Variants in MAP7D1 observed in about 807,000 individuals in gnomAD.
MAP7D1 encodes MAP7 domain-containing protein 1.
Under a neutral mutation model 97.5 loss-of-function variants are expected in MAP7D1, and 30 were observed. The ratio of observed to expected loss-of-function variants is 0.31; its 90% CI spans 0.23 to 0.42. The LOEUF is 0.42. Ranked by LOEUF, MAP7D1 falls within the 10% of genes least tolerant of loss-of-function variation. The pLI is 1.00. For missense variants in MAP7D1, 1,184 were observed against 1,179.5 expected (o/e 1.00, Z -0.06); for synonymous variants, 536 against 477.1 (o/e 1.12, Z -1.61).
At position 36,171,708 on chromosome 1, in the gene MAP7D1, G is replaced by A. The variant is rs191766793; in HGVS notation, c.460+127G>A. 7.1e-3 allele frequency: 6,278 copies of A among 890,286 alleles called. 37 individuals are homozygous for A. Among genetic ancestry groups the A allele is most frequent in the Non-Finnish European group, 9.1e-3 (5,181 of 568,386 alleles). The allele number at this position is 890,286 out of a possible 1,614,324, so 55.1% of individuals were successfully genotyped here. A position where few individuals can be genotyped will look rare whatever the true frequency, so the allele number is the denominator to read the frequency against. On this transcript the variant is annotated intron_variant, in intron 3 of 16. Transcript: ENST00000474796. ...AGCACTTTGGGAGGCCGAGGCGGGC[G>A]AATCACCTGAGGTCAGGAGTTTGAG...
At chr1:36,161,652 G>T (rs1644410398) in intron 1 of MAP7D1, among the ~76,000 whole-genome samples, 2 of 152,184 alleles carry the variant, frequency 1.3e-5, no homozygotes, top group South Asian at 4.1e-4. Flanking sequence ...CTTTCTCTGG[G>T]CCTAGGGAAA....
Position 36,175,001 on chromosome 1 carries a change from C to G in MAP7D1, c.843C>G (p.Pro281=), listed in dbSNP as rs867889949. The change falls in exon 6 of 17, where the codon CCC becomes CCG. Residue 281 remains proline (P), a synonymous_variant. Coordinates refer to ENST00000474796, the MANE Select transcript of MAP7D1 (RefSeq NM_001388490.1). The part of the protein sequence containing the change: ...SKSSATLWNS[P]SRNRSLQLSA... Reference sequence around the variant, plus strand: ...CCTCTGCCACGCTCTGGAACTCCCCCAGTAGAAGTAAGAGAAGGCCCAGCC... The same window carrying G: ...CCTCTGCCACGCTCTGGAACTCCCCGAGTAGAAGTAAGAGAAGGCCCAGCC... 1 of 1,611,174 alleles carries G rather than the reference C, an allele frequency of 6.2e-7. No individual in the cohort carries two copies. The highest frequency in any genetic ancestry group is 8.5e-7 in the Non-Finnish European group (1 of 1,177,520).
At chr1:36,171,456 C>T in intron 2 of MAP7D1, 57 bp from the exon 3 acceptor site, 1 of 1,598,962 alleles carries the variant, frequency 6.3e-7, no homozygotes, top group Non-Finnish European at 8.6e-7. Flanking sequence ...GGATCTGAGG[C>T]TGACTCCTCT....
At position 36,179,925 on chromosome 1, in the gene MAP7D1, C is replaced by G. The variant is rs140639297; in HGVS notation, c.2370C>G (p.Leu790=). 845 of 1,614,120 alleles carry G rather than the reference C, an allele frequency of 5.2e-4. 4 individuals carry two copies. The African/African-American group carries it at 9.0e-3, about 17-fold the overall frequency. ...CCCTGGTGAATGGCCTGCAGCCTCT[C>G]CCAGCACACCAGGAGAATGGCTTCT... is the stretch of plus-strand genomic sequence containing the variant. The part of the protein sequence containing the change: ...PASLVNGLQP[L]PAHQENGFST... Residue 790 remains leucine (L), a synonymous_variant, in exon 16 of 17, where the codon CTC becomes CTG. Coordinates refer to ENST00000474796, the MANE Select transcript of MAP7D1 (RefSeq NM_001388490.1).
At chr1:36,173,561 G>A in intron 5 of MAP7D1, 83 bp downstream of exon 5, 4 of 1,048,532 alleles carry the variant, frequency 3.8e-6, no homozygotes, top group Non-Finnish European at 4.2e-6. Flanking sequence ...CCTACAAAAA[G>A]CTGGTGGCTC....
rs149009853 is a variant in MAP7D1, at chr1:36,177,996, T to A, written c.1503T>A (p.Thr501=). 24 of 1,612,426 alleles carry A rather than the reference T, an allele frequency of 1.5e-5. No homozygotes were observed. In the African/African-American group the frequency reaches 1.6e-4, roughly 11 times the overall value. The part of the protein sequence containing the change: ...PPKPPSPRGT[T]ASPKGRVRRK... ...AGCCACCGTCCCCCCGAGGCACCACTGCATCCCCCAAGGGGCGGGTTCGGA... is the reference window on the plus strand; with the variant it reads ...AGCCACCGTCCCCCCGAGGCACCACAGCATCCCCCAAGGGGCGGGTTCGGA... Residue 501 remains threonine (T), a synonymous_variant, in exon 9 of 17, where the codon ACT becomes ACA. Coordinates refer to ENST00000474796, the MANE Select transcript of MAP7D1 (RefSeq NM_001388490.1).
chr1:36,163,336 A>G (rs1644436189), intron 1 of MAP7D1, among the ~76,000 whole-genome samples: 1 of 152,224 alleles, frequency 6.6e-6, no homozygotes, highest in Non-Finnish European at 1.5e-5. Context: ...CTTCTGGTAG[A>G]TATTAGTGTA....
chr1:36,179,466 C>G (rs543905816), intron 13 of MAP7D1, 49 bp from the exon 14 acceptor site: 1 of 1,576,006 alleles, frequency 6.3e-7, no homozygotes, highest in Non-Finnish European at 8.6e-7. Context: ...TCCGAAGTGG[C>G]TGGGGCCGGC....
rs1211985434 is a variant in MAP7D1 at position 36,176,191 on chromosome 1, AC to A, written c.851-3del. 5 of 1,604,398 alleles carry A rather than the reference AC, an allele frequency of 3.1e-6. No homozygotes were observed. The South Asian group carries it at 4.4e-5, about 14-fold the overall frequency. ...GGTGACCGGCTTCGCCTGGCCTTCT[AC>A]CCCCAGATCGCAGCCTGCAGCTGAG... On this transcript the variant is annotated splice_polypyrimidine_tract_variant and splice_region_variant and intron_variant, in intron 6 of 16. Coordinates refer to ENST00000474796, the MANE Select transcript of MAP7D1 (RefSeq NM_001388490.1). The surrounding 1 kb of genome is among the most constrained non-coding windows in gnomAD (Gnocchi z 6.1).
chr1:36,159,215 G>A lies in MAP7D1; in HGVS notation c.46+2752G>A, dbSNP rs1443119508. ...TGGGATTACAGGCGCCTGCCACCGC[G>A]CCCGGCTAATTTTTGTATTTTTAGT... On this transcript the variant is annotated intron_variant, in intron 1 of 16. Transcript: ENST00000474796. This position sits in a 1 kb window ranked among gnomAD's most constrained non-coding sequence, Gnocchi z 5.4. Among the ~76,000 whole-genome samples the A allele has an allele frequency of 6.6e-6, 1 of 151,874 alleles. No individual in the cohort carries two copies. Among genetic ancestry groups the A allele is most frequent in the African/African-American group, 2.4e-5 (1 of 41,340 alleles).
intron 1 of MAP7D1, among the ~76,000 whole-genome samples, chr1:36,164,745 A>G (rs1271108897): frequency 6.6e-6 from 1 of 152,210 alleles, no homozygotes; most frequent in Non-Finnish European, 1.5e-5. Context: ...TCAAGTGGCA[A>G]AGAGCACCGT....
At chr1:36,163,898 G>A (rs1644444311) in intron 1 of MAP7D1, among the ~76,000 whole-genome samples, 2 of 134,092 alleles carry the variant, frequency 1.5e-5, no homozygotes, top group African/African-American at 5.8e-5. Context: ...TGCAGTCTCA[G>A]ATCACTGCAG....
At position 36,179,687 on chromosome 1, in the gene MAP7D1, C is replaced by A. The variant is rs867146894; in HGVS notation, c.2249C>A (p.Ala750Asp). Residue 750 changes from alanine to aspartate, a missense_variant, in exon 15 of 17, where the codon GCT (alanine) becomes GAT (aspartate). Transcript: ENST00000474796. ...ACAGAGCCTGTGAAAGCTGTGGAGG[C>A]TCGGTCCCCAGGGCTGCAGAAGGAG... ...SSPEPVKAVE[A>D]RSPGLQKEAV... is the part of the protein sequence containing the mutation. 1 of 1,524,802 alleles carries A rather than the reference C, an allele frequency of 6.6e-7. No individual in the cohort carries two copies. 94.5% of individuals were successfully genotyped at this position (1,524,802 alleles called of 1,614,324 possible). A position where few individuals can be genotyped will look rare whatever the true frequency, so the allele number is the denominator to read the frequency against.
chr1:36,173,419 G>C lies in MAP7D1; in HGVS notation c.680G>C (p.Arg227Pro). 1 of 1,614,082 alleles carries C rather than the reference G, an allele frequency of 6.2e-7. No individual in the cohort carries two copies. Among genetic ancestry groups the C allele is most frequent in the Non-Finnish European group, 8.5e-7 (1 of 1,179,994 alleles). The change falls in exon 5 of 17, where the codon CGG becomes CCG. Residue 227 changes from arginine (R) to proline (P), a missense_variant. Physicochemically the swap from Arg to Pro is moderately radical, Grantham distance 103. Coordinates refer to ENST00000474796, the MANE Select transcript of MAP7D1 (RefSeq NM_001388490.1). ...GTGAAGAAGACGTGGGCCGAAATCCGGCAGCAGCGCTGGTCCTGGGCAGGG... is the reference window on the plus strand; with the variant it reads ...GTGAAGAAGACGTGGGCCGAAATCCCGCAGCAGCGCTGGTCCTGGGCAGGG... The part of the protein sequence containing the change: ...RSVKKTWAEI[R>P]QQRWSWAGAL...
rs1372573453 is a variant in MAP7D1, at chr1:36,176,608, C to T, written c.1233+27C>T. 6.5e-7 allele frequency: 1 copy of T among 1,540,266 alleles called. No individual in the cohort carries two copies. The highest frequency in any genetic ancestry group is 8.8e-7 in the Non-Finnish European group (1 of 1,141,926). On this transcript the variant is annotated intron_variant, in intron 7 of 16. Coordinates refer to ENST00000474796, the MANE Select transcript of MAP7D1 (RefSeq NM_001388490.1). This position sits in a 1 kb window ranked among gnomAD's most constrained non-coding sequence, Gnocchi z 6.1. Reference sequence around the variant, plus strand: ...TGAGTGGCTCTACTGGCTCGAGTGGCCGCGCAGGTGGGGACAGGCAGCCTG... The same window carrying T: ...TGAGTGGCTCTACTGGCTCGAGTGGTCGCGCAGGTGGGGACAGGCAGCCTG...
rs764478271 is a variant in MAP7D1, at chr1:36,178,193, C to A, written c.1700C>A (p.Thr567Asn). Reference protein sequence around the residue: ...PPQKEQPPAETPTDAAVLTSP... With the variant: ...PPQKEQPPAENPTDAAVLTSP... ...CAGAAGGAGCAGCCCCCCGCGGAGA[C>A]CCCTACAGGTAGGAATGAAGAGAGG... Residue 567 changes from threonine to asparagine, a missense_variant, in exon 9 of 17, where the codon ACC (threonine) becomes AAC (asparagine). Coordinates refer to ENST00000474796, the MANE Select transcript of MAP7D1 (RefSeq NM_001388490.1). The A allele has an allele frequency of 2.7e-5, 42 of 1,565,720 alleles. No individual in the cohort carries two copies. Among genetic ancestry groups the A allele is most frequent in the Non-Finnish European group, 3.6e-5 (42 of 1,156,664 alleles).
In MAP7D1 at chr1:36,156,358, G is replaced by A; in HGVS notation, c.-60G>A. On this transcript the variant is annotated 5_prime_UTR_variant, in exon 1 of 17. Transcript: ENST00000474796. ...GATGCGCCGCGGGACCCCTGTCCTG[G>A]CCACTGGCCGCCGCCGCCGCCGCCG... The A allele has an allele frequency of 1.4e-6, 2 of 1,429,158 alleles. No homozygotes were observed. The highest frequency in any genetic ancestry group is 3.0e-5 in the East Asian group (1 of 33,392). 88.5% of individuals were successfully genotyped at this position (1,429,158 alleles called of 1,614,324 possible). A position where few individuals can be genotyped will look rare whatever the true frequency, so the allele number is the denominator to read the frequency against.
rs1035451422 is a variant in MAP7D1, at chr1:36,156,649, C to T, written c.46+186C>T. Among the ~76,000 whole-genome samples, 37 of 152,228 alleles carry T rather than the reference C, an allele frequency of 2.4e-4. 1 individual carries two copies. Among genetic ancestry groups the T allele is most frequent in the African/African-American group, 7.2e-5 (3 of 41,544 alleles). On this transcript the variant is annotated intron_variant, in intron 1 of 16. Transcript: ENST00000474796. Reference sequence around the variant, plus strand: ...TCGCGATGCATCCTCTGACAGCTGCCCCCTCCCCCACCCCGGGTGCCGGAC... The same window carrying T: ...TCGCGATGCATCCTCTGACAGCTGCTCCCTCCCCCACCCCGGGTGCCGGAC...
Position 36,178,125 on chromosome 1 carries a change from A to G in MAP7D1, c.1632A>G (p.Ser544=). The G allele has an allele frequency of 6.3e-7, 1 of 1,592,250 alleles. No individual in the cohort carries two copies. Among genetic ancestry groups the G allele is most frequent in the Non-Finnish European group, 8.5e-7 (1 of 1,170,488 alleles). Reference sequence around the variant, plus strand: ...AGAAGGAGTCAGCAGCCCCAGCCTCACCGGCACCTTCGCCGGCGCCCTCGC... The same window carrying G: ...AGAAGGAGTCAGCAGCCCCAGCCTCGCCGGCACCTTCGCCGGCGCCCTCGC... ...SNEKESAAPA[S]PAPSPAPSPT... is the part of the protein sequence containing the mutation. Residue 544 remains serine (S), a synonymous_variant, in exon 9 of 17, where the codon TCA becomes TCG. Coordinates refer to ENST00000474796, the MANE Select transcript of MAP7D1 (RefSeq NM_001388490.1).
Sources: allele counts gnomAD v4.1 joint callset (sites outside exome capture counted in the v4.1 genomes callset), GRCh38; gene constraint gnomAD v4.1.1; non-coding constraint Gnocchi (gnomAD v3.1); transcripts MANE v1.5; gene names NCBI Gene and HGNC (gene_info 2026-07-23, HGNC 2026-07-21).